Variants in CDKN2B-AS1 observed in about 807,000 individuals in gnomAD.
CDKN2B-AS1 encodes the protein CDKN2B and CDKN2A antisense cis and trans regulatory RNA 1.
In CDKN2B-AS1 at chr9:22,001,318, A is replaced by G. The variant is rs150604196; in HGVS notation, n.29+6157A>G. Among the ~76,000 whole-genome samples the G allele has an allele frequency of 6.6e-6, 1 of 152,304 alleles. No homozygotes were observed. Among genetic ancestry groups the G allele is most frequent in the Non-Finnish European group, 1.5e-5 (1 of 68,002 alleles). ...GAGCTGACTCCATATATCTACTGGAAGTCTAATGCCAGGGGCTTCTGAGTG... is the reference window on the plus strand; with the variant it reads ...GAGCTGACTCCATATATCTACTGGAGGTCTAATGCCAGGGGCTTCTGAGTG... On this transcript the variant is annotated intron_variant and non_coding_transcript_variant, in intron 1 of 4. Transcript: ENST00000650946. The surrounding 1 kb of genome is among the most constrained non-coding windows in gnomAD (Gnocchi z 4.2).
intron 4 of CDKN2B-AS1, among the ~76,000 whole-genome samples, chr9:22,078,519 A>C (rs1340644803): frequency 6.6e-6 from 1 of 152,244 alleles, no homozygotes; most frequent in East Asian, 1.9e-4. Flanking sequence ...TTCAATTTGA[A>C]CAAGAGGAAT....
intron 4 of CDKN2B-AS1, among the ~76,000 whole-genome samples, chr9:22,069,632 C>T (rs921579324): frequency 7.9e-5 from 12 of 152,212 alleles, no homozygotes; most frequent in South Asian, 4.1e-4. Flanking sequence ...TTAGTGTACT[C>T]ATCACTTCAT....
chr9:22,092,281 C>T (rs1188901861), intron 4 of CDKN2B-AS1: 2 of 152,064 alleles, frequency 1.3e-5, no homozygotes, highest in Non-Finnish European at 2.9e-5. Context: ...GTCTAAAATT[C>T]TCTTTTTTTT....
intron 1 of CDKN2B-AS1, among the ~76,000 whole-genome samples, chr9:22,007,897 G>T (rs1410142611): frequency 6.6e-6 from 1 of 151,992 alleles, no homozygotes; most frequent in Non-Finnish European, 1.5e-5. Flanking sequence ...GAATTCAAAA[G>T]AAATGAACAC....
intron 1 of CDKN2B-AS1, among the ~76,000 whole-genome samples, chr9:22,015,809 T>G (rs889548244): frequency 6.6e-5 from 10 of 152,210 alleles, no homozygotes; most frequent in Admixed American, 6.5e-4. Flanking sequence ...AGATGGTATC[T>G]CATTGTGGTT....
At chr9:22,086,231 G>T (rs569913538) in intron 4 of CDKN2B-AS1, among the ~76,000 whole-genome samples, 76 of 152,146 alleles carry the variant, frequency 5.0e-4, no homozygotes, top group African/African-American at 1.5e-3. Context: ...TTGTTTAATG[G>T]CCCTTCCTCT....
intron 1 of CDKN2B-AS1, among the ~76,000 whole-genome samples, chr9:22,042,516 T>A (rs190073496): frequency 6.6e-6 from 1 of 152,206 alleles, no homozygotes; most frequent in Non-Finnish European, 1.5e-5. Context: ...GCATGAAGAC[T>A]GGTTCATCTG....
At chr9:22,024,340 G>A (rs73652821) in intron 1 of CDKN2B-AS1, among the ~76,000 whole-genome samples, 3,309 of 152,304 alleles carry the variant, frequency 0.022, 88 homozygotes, top group African/African-American at 0.061. Context: ...GGCAGCTCCA[G>A]CTGGGTGCTA....
intron 1 of CDKN2B-AS1, among the ~76,000 whole-genome samples, chr9:22,010,444 G>A (rs1373817411): frequency 1.3e-5 from 2 of 152,214 alleles, no homozygotes; most frequent in African/African-American, 2.4e-5. Context: ...TTGGTTCGGA[G>A]TGCTGAGGAA....
At chr9:22,109,120 C>T (rs373601258) in intron 4 of CDKN2B-AS1, among the ~76,000 whole-genome samples, 1 of 152,180 alleles carries the variant, frequency 6.6e-6, no homozygotes, top group Admixed American at 6.6e-5. Context: ...AGGCGATCAT[C>T]ATTCTTCAGT....
chr9:22,045,062 G>GTGTC (rs1228253690), intron 1 of CDKN2B-AS1, among the ~76,000 whole-genome samples: 37 of 151,406 alleles, frequency 2.4e-4, no homozygotes, highest in African/African-American at 7.8e-4. Context: ...GTGTGTGTGT[G>GTGTC]TGTGTGTGTA....
At position 21,997,743 on chromosome 9, in the gene CDKN2B-AS1, T is replaced by G. The variant is rs191820162; in HGVS notation, n.29+2582T>G. Among the ~76,000 whole-genome samples the G allele has an allele frequency of 6.6e-6, 1 of 152,098 alleles. No homozygotes were observed. Among genetic ancestry groups the G allele is most frequent in the South Asian group, 2.1e-4 (1 of 4,824 alleles). On this transcript the variant is annotated intron_variant and non_coding_transcript_variant, in intron 1 of 4. Transcript: ENST00000650946. The surrounding 1 kb of genome is among the most constrained non-coding windows in gnomAD (Gnocchi z 4.8). ...GCTTTTTCAAGTCTACTGACTTAAA[T>G]GTTAATCATATCTAAAAAATACCTC...
chr9:22,012,532 CA>C, intron 1 of CDKN2B-AS1: 1 of 621,570 alleles, frequency 1.6e-6, no homozygotes, highest in Admixed American at 1.9e-5. Flanking sequence ...CCAAGAAGGT[CA>C]AATAAGGCTC....
chr9:22,034,756 C>T (rs1822616381), intron 1 of CDKN2B-AS1, among the ~76,000 whole-genome samples: 2 of 152,122 alleles, frequency 1.3e-5, no homozygotes, highest in African/African-American at 2.4e-5. Flanking sequence ...CACAACTACT[C>T]ATCTCTGCTG....
chr9:22,105,759 C>G (rs976870592), intron 4 of CDKN2B-AS1, among the ~76,000 whole-genome samples: 1 of 152,178 alleles, frequency 6.6e-6, no homozygotes. Flanking sequence ...CCCAGAAATA[C>G]TGTTGTGGCA....
rs1440308759 is a variant in CDKN2B-AS1, at chr9:22,042,031, T to C, written n.30-4720T>C. Among the ~76,000 whole-genome samples, 7 of 152,078 alleles carry C rather than the reference T, an allele frequency of 4.6e-5. 1 individual carries two copies. Among genetic ancestry groups the C allele is most frequent in the African/African-American group, 1.7e-4 (7 of 41,430 alleles). On this transcript the variant is annotated intron_variant and non_coding_transcript_variant, in intron 1 of 4. Coordinates refer to ENST00000650946, the Ensembl canonical transcript of CDKN2B-AS1. ...TATGTTAGCCAAGTTTACTATGTTT[T>C]ACATGAGTTGACAGACTCACCTCAC...
At chr9:22,019,634 C>T (rs1821934841) in intron 1 of CDKN2B-AS1, among the ~76,000 whole-genome samples, 2 of 152,010 alleles carry the variant, frequency 1.3e-5, no homozygotes, top group South Asian at 4.2e-4. Flanking sequence ...TGGAGATATC[C>T]AGTGAAAGTT....
Position 22,108,418 on chromosome 9 carries a change from G to A in CDKN2B-AS1, n.439-18685G>A, listed in dbSNP as rs192338188. On this transcript the variant is annotated intron_variant and non_coding_transcript_variant, in intron 4 of 4. Transcript: ENST00000650946. ...AGTAGTTATTGGTGAGATCGGGCAC[G>A]TTCAGGGTGGTATGGCCATAGACAA... Among the ~76,000 whole-genome samples, 52 of 152,296 alleles carry A rather than the reference G, an allele frequency of 3.4e-4. 1 individual carries two copies. The East Asian group carries it at 6.6e-3, about 19-fold the overall frequency.
At chr9:22,024,247 C>T (rs752067105) in intron 1 of CDKN2B-AS1, among the ~76,000 whole-genome samples, 3 of 152,200 alleles carry the variant, frequency 2.0e-5, no homozygotes, top group Non-Finnish European at 4.4e-5. Flanking sequence ...CATGTTCTAA[C>T]TCTGGATGAC....
Sources: allele counts gnomAD v4.1 joint callset (sites outside exome capture counted in the v4.1 genomes callset), GRCh38; gene constraint gnomAD v4.1.1; non-coding constraint Gnocchi (gnomAD v3.1); transcripts MANE v1.5; gene names NCBI Gene and HGNC (gene_info 2026-07-23, HGNC 2026-07-21).